The following RADX variants were observed in gnomAD, a reference collection of about 807,000 sequenced individuals.
RADX encodes RPA-related protein RADX.
Under a neutral mutation model 61.6 loss-of-function variants are expected in RADX, and 36 were observed. That is an observed-to-expected ratio of 0.58 (90% CI 0.45 to 0.77). The LOEUF is 0.77. RADX is among the 30% of genes least tolerant of loss of function. The probability of loss-of-function intolerance (pLI) is 0.00; values close to 1 mark genes in which losing one functional copy is unlikely to be tolerated. For synonymous variants in RADX, 272 were observed against 237.9 expected, an observed-to-expected ratio of 1.14 and a Z score of -1.32; for missense variants, 497 against 651.1, an observed-to-expected ratio of 0.76 and a Z score of 2.58.
intron 7 of RADX, 35 bp downstream of exon 7, chrX:106,636,682 T>TACACA: frequency 1.2e-6 from 1 of 805,153 alleles, no homozygotes; most frequent in African/African-American, 2.1e-5. Flanking sequence ...ATTAGAAATA[T>TACACA]ATTTTCTCTT....
In RADX at chrX:106,678,775, C is replaced by T. The variant is rs1463498774; in HGVS notation, c.*517C>T. The T allele has an allele frequency of 8.9e-6, 1 of 111,919 alleles. No homozygotes were observed. Among genetic ancestry groups the T allele is most frequent in the Non-Finnish European group, 1.9e-5 (1 of 53,205 alleles). 9.2% of individuals were successfully genotyped at this position (111,919 alleles called of 1,213,427 possible). A position where few individuals can be genotyped will look rare whatever the true frequency, so the allele number is the denominator to read the frequency against. The stretch of plus-strand genomic sequence containing the variant: ...AGTACACATTATTAGGGTCTAGTTG[C>T]CCCTGGTCCTTAGCTTGCTCAGCTG... On this transcript the variant is annotated 3_prime_UTR_variant, in exon 14 of 14. Coordinates refer to ENST00000372548, the MANE Select transcript of RADX (RefSeq NM_018015.6).
intron 13 of RADX, 50 bp downstream of exon 13, chrX:106,669,380 A>G: frequency 2.3e-6 from 2 of 878,185 alleles, no homozygotes; most frequent in Non-Finnish European, 3.2e-6. Context: ...AAAATTATAA[A>G]CAGCCCTAGC....
At chrX:106,646,197 TTA>T (rs1375120016) in intron 10 of RADX, among the ~76,000 whole-genome samples, 2 of 111,259 alleles carry the variant, frequency 1.8e-5, no homozygotes, top group East Asian at 5.6e-4. Flanking sequence ...ACATGTATCT[TTA>T]TAGGTAAAGT....
chrX:106,658,842 C>T (rs1928014012), intron 11 of RADX, among the ~76,000 whole-genome samples: 1 of 111,593 alleles, frequency 9.0e-6, no homozygotes, highest in South Asian at 3.8e-4. Context: ...TAACACAAGG[C>T]ATTACAGGTA....
chrX:106,657,841 T>A (rs180909222), intron 11 of RADX, among the ~76,000 whole-genome samples: 60 of 111,130 alleles, frequency 5.4e-4, no homozygotes, highest in African/African-American at 1.9e-3. Context: ...GTCACCATAA[T>A]ATATATAATA....
At chrX:106,632,592 A>G in intron 3 of RADX, 33 bp from the exon 4 acceptor site, 1 of 946,743 alleles carries the variant, frequency 1.1e-6, no homozygotes, top group Non-Finnish European at 1.5e-6. Flanking sequence ...TGTGTATTAA[A>G]TAGCATATTA....
intron 3 of RADX, among the ~76,000 whole-genome samples, chrX:106,625,657 C>T (rs890158509): frequency 1.8e-5 from 2 of 111,450 alleles, no homozygotes; most frequent in African/African-American, 6.5e-5. Context: ...TAATTTCAGA[C>T]TTACATAAAA....
At chrX:106,643,526 A>T (rs113946682) in intron 10 of RADX, among the ~76,000 whole-genome samples, 314 of 111,246 alleles carry the variant, frequency 2.8e-3, no homozygotes, top group African/African-American at 9.7e-3. Context: ...AGATAGGGGT[A>T]TAGTTTCATT....
chrX:106,662,094 A>G lies in RADX; in HGVS notation c.2058A>G (p.Arg686=), dbSNP rs760662819. Residue 686 remains arginine, a synonymous_variant, in exon 12 of 14, where the codon AGA becomes AGG. Coordinates refer to ENST00000372548, the MANE Select transcript of RADX (RefSeq NM_018015.6). The stretch of plus-strand genomic sequence containing the variant: ...ATAGGTGGGAGAGTCAGCTGTGGAG[A>G]GAGAAAAAGTTTGGCTTAATAGATC... The part of the protein sequence containing the change: ...ISDRWESQLW[R]EKKFGLIDHL... 3.3e-6 allele frequency: 4 copies of G among 1,209,988 alleles called. No individual in the cohort carries two copies. The highest frequency in any genetic ancestry group is 4.5e-6 in the Non-Finnish European group (4 of 894,213).
intron 3 of RADX, among the ~76,000 whole-genome samples, chrX:106,627,192 T>C (rs1028593850): frequency 1.8e-5 from 2 of 111,760 alleles, no homozygotes; most frequent in East Asian, 5.6e-4. Context: ...TTAATTACTC[T>C]GAGAATGGGA....
intron 1 of RADX, among the ~76,000 whole-genome samples, chrX:106,618,640 A>G (rs759370977): frequency 9.0e-6 from 1 of 110,685 alleles, no homozygotes; most frequent in African/African-American, 3.3e-5. Context: ...CCCCATCTTT[A>G]ATAAAAATAC....
At position 106,677,580 on chromosome X, in the gene RADX, A is replaced by G. The variant is rs1340386051; in HGVS notation, c.2438-548A>G. On this transcript the variant is annotated intron_variant, in intron 13 of 13. Transcript: ENST00000372548. ...TTCACAGAGTTTCTCAAGAGTATCC[A>G]AAGATAAGTTTTAATTAATAAAGCC... Among the ~76,000 whole-genome samples the G allele has an allele frequency of 2.2e-4, 24 of 109,557 alleles. 1 individual carries two copies. Among genetic ancestry groups the G allele is most frequent in the Non-Finnish European group, 1.7e-4 (9 of 52,640 alleles).
At chrX:106,641,851 A>G (rs1257982451) in intron 10 of RADX, among the ~76,000 whole-genome samples, 1 of 111,681 alleles carries the variant, frequency 9.0e-6, no homozygotes. Flanking sequence ...ATTATAGCTT[A>G]CATTTGCTTA....
intron 3 of RADX, among the ~76,000 whole-genome samples, chrX:106,631,786 A>AAAG (rs2147619048): frequency 9.8e-6 from 1 of 102,556 alleles, no homozygotes; most frequent in African/African-American, 4.1e-5. Context: ...GAAAGAAGAA[A>AAAG]AGAAAGAGAA....
intron 13 of RADX, among the ~76,000 whole-genome samples, chrX:106,674,570 CT>C (rs1928454953): frequency 8.9e-6 from 1 of 111,927 alleles, no homozygotes; most frequent in African/African-American, 3.3e-5. Flanking sequence ...TGTTAAGCAT[CT>C]TTTCATGTGC....
At chrX:106,641,134 C>G (rs1927503389) in intron 10 of RADX, among the ~76,000 whole-genome samples, 1 of 110,446 alleles carries the variant, frequency 9.1e-6, no homozygotes, top group Non-Finnish European at 1.9e-5. Context: ...AGGGGACCAC[C>G]CTAATCCAGT....
intron 3 of RADX, among the ~76,000 whole-genome samples, chrX:106,630,448 T>C (rs888814696): frequency 7.2e-5 from 8 of 110,415 alleles, no homozygotes; most frequent in African/African-American, 2.6e-4. Context: ...CTTTATAAAA[T>C]GGGGAAAATG....
chrX:106,625,919 G>A, intron 3 of RADX, among the ~76,000 whole-genome samples: 1 of 110,959 alleles, frequency 9.0e-6, no homozygotes, highest in Non-Finnish European at 1.9e-5. Context: ...CTAATAACAA[G>A]AGCATTCTAT....
At position 106,662,417 on chromosome X, in the gene RADX, G is replaced by A. The variant is rs1195184327; in HGVS notation, c.2269+112G>A. 3 of 659,950 alleles carry A rather than the reference G, an allele frequency of 4.5e-6. No individual in the cohort carries two copies. The African/African-American group carries it at 6.7e-5, about 15-fold the overall frequency. 54.4% of individuals were successfully genotyped at this position (659,950 alleles called of 1,213,427 possible). Reference sequence around the variant, plus strand: ...CACAAAAACATTAAGCCCAAGGGAAGTTTTTGTTTGGCTCCAACAAAAGGA... The same window carrying A: ...CACAAAAACATTAAGCCCAAGGGAAATTTTTGTTTGGCTCCAACAAAAGGA... On this transcript the variant is annotated intron_variant, in intron 12 of 13. Coordinates refer to ENST00000372548, the MANE Select transcript of RADX (RefSeq NM_018015.6).
Sources: allele counts gnomAD v4.1 joint callset (sites outside exome capture counted in the v4.1 genomes callset), GRCh38; gene constraint gnomAD v4.1.1; transcripts MANE v1.5; gene names NCBI Gene and HGNC (gene_info 2026-07-23, HGNC 2026-07-21).